The following FGGY variants were observed in gnomAD, a reference collection of about 807,000 sequenced individuals.
FGGY encodes FGGY carbohydrate kinase domain containing.
FGGY carries 72 observed loss-of-function variants against 71.3 expected under a neutral mutation model. That is an observed-to-expected ratio of 1.01 (90% CI 0.84 to 1.23). The LOEUF is 1.23. Ranked by LOEUF, FGGY falls within the 50% of genes most tolerant of loss-of-function variation. The pLI, the probability that FGGY is intolerant of heterozygous loss-of-function variation, is 0.00. For synonymous variants in FGGY, 251 were observed against 250.3 expected (o/e 1.00, Z -0.02); for missense variants, 668 against 682.3 (o/e 0.98, Z 0.23).
Position 59,410,756 on chromosome 1 carries a change from C to T in FGGY, c.554+31919C>T, listed in dbSNP as rs144135119. Among the ~76,000 whole-genome samples the T allele has an allele frequency of 3.2e-3, 493 of 152,124 alleles. 3 individuals are homozygous for T. The highest frequency in any genetic ancestry group is 0.01 in the African/African-American group (435 of 41,534). ...AATTGAATCTAGAAGACCATGGTGA[C>T]GTTCTTTTTGTTTTTATTGTATTTT... On this transcript the variant is annotated intron_variant, in intron 5 of 15. Coordinates refer to ENST00000303721, the MANE Select transcript of FGGY (RefSeq NM_018291.5).
rs563689701 is a variant in FGGY at position 59,426,585 on chromosome 1, C to T, written c.555-30376C>T. ...CCAGCCTGGTCTCACCTCAGGAGTT[C>T]CCCCATTGGAGAGGCCATCCCTGAA... On this transcript the variant is annotated intron_variant, in intron 5 of 15. Coordinates refer to ENST00000303721, the MANE Select transcript of FGGY (RefSeq NM_018291.5). Among the ~76,000 whole-genome samples, 7 of 152,292 alleles carry T rather than the reference C, an allele frequency of 4.6e-5. No homozygotes were observed. The South Asian group carries it at 6.2e-4, about 14-fold the overall frequency.
At chr1:59,753,027 A>C (rs183447616) in intron 14 of FGGY, among the ~76,000 whole-genome samples, 1 of 152,194 alleles carries the variant, frequency 6.6e-6, no homozygotes, top group Non-Finnish European at 1.5e-5. Flanking sequence ...TGTGGGCAAA[A>C]GGAAAAAGAA....
chr1:59,611,707 A>G (rs1233401019), intron 9 of FGGY, among the ~76,000 whole-genome samples: 2 of 152,216 alleles, frequency 1.3e-5, no homozygotes, highest in African/African-American at 4.8e-5. Context: ...CTCCGAGCTA[A>G]AGGAGGAAGT....
intron 4 of FGGY, among the ~76,000 whole-genome samples, chr1:59,367,755 T>C (rs562362771): frequency 2.0e-5 from 3 of 152,178 alleles, no homozygotes; most frequent in Non-Finnish European, 2.9e-5. Flanking sequence ...AAGCTACTTC[T>C]CTCTGTCCTG....
At chr1:59,447,006 A>G (rs1336460626) in intron 5 of FGGY, among the ~76,000 whole-genome samples, 2 of 152,172 alleles carry the variant, frequency 1.3e-5, no homozygotes, top group African/African-American at 4.8e-5. Context: ...GAGAATAAAA[A>G]GTTCTTGTTT....
Position 59,631,018 on chromosome 1 carries a change from TTA to T in FGGY, c.1073+4971_1073+4972del, listed in dbSNP as rs547146845. Among the ~76,000 whole-genome samples, 19 of 152,290 alleles carry T rather than the reference TTA, an allele frequency of 1.2e-4. No individual in the cohort carries two copies. In the East Asian group the frequency reaches 3.7e-3, roughly 29 times the overall value. Reference sequence around the variant, plus strand: ...CCCCCTGAAACGTTTCATATTAAGGTTATCAGTGACCTCTATTTTGCTAAGTC... The same window carrying T: ...CCCCCTGAAACGTTTCATATTAAGGTTCAGTGACCTCTATTTTGCTAAGTC... On this transcript the variant is annotated intron_variant, in intron 10 of 15. Transcript: ENST00000303721.
At chr1:59,512,593 G>A (rs561703245) in intron 7 of FGGY, among the ~76,000 whole-genome samples, 154 bp downstream of exon 7, 2 of 152,182 alleles carry the variant, frequency 1.3e-5, no homozygotes, top group East Asian at 1.9e-4. Context: ...CTAGGCATTT[G>A]GATAGAATTA....
intron 14 of FGGY, among the ~76,000 whole-genome samples, chr1:59,724,131 C>T (rs1289585465): frequency 6.6e-6 from 1 of 151,266 alleles, no homozygotes; most frequent in Non-Finnish European, 1.5e-5. Flanking sequence ...CCACTGAACT[C>T]CAGCCTGGAC....
Position 59,648,860 on chromosome 1 carries a change from T to C in FGGY, c.1221+10485T>C, listed in dbSNP as rs1021825081. Among the ~76,000 whole-genome samples the C allele has an allele frequency of 3.5e-3, 534 of 152,316 alleles. 4 individuals carry two copies. The highest frequency in any genetic ancestry group is 0.012 in the African/African-American group (510 of 41,550). On this transcript the variant is annotated intron_variant, in intron 11 of 15. Transcript: ENST00000303721. ...CCTGAATGGTCATGCCTAGGTTTTC[T>C]TCTAGGGTTTTTATGGTTTTAGGTC...
chr1:59,537,961 C>A (rs1438812779), intron 7 of FGGY, among the ~76,000 whole-genome samples: 3 of 152,078 alleles, frequency 2.0e-5, no homozygotes, highest in Non-Finnish European at 2.9e-5. Context: ...TCTAAAACAC[C>A]AAAAGCAATG....
intron 3 of FGGY, among the ~76,000 whole-genome samples, chr1:59,344,307 T>TG (rs903704998): frequency 7.0e-6 from 1 of 142,994 alleles, no homozygotes; most frequent in African/African-American, 2.9e-5. Context: ...TTTTTGTTGT[T>TG]TTTTTTTTTG....
intron 5 of FGGY, among the ~76,000 whole-genome samples, chr1:59,430,660 A>G (rs544422951): frequency 9.9e-5 from 15 of 152,166 alleles, no homozygotes; most frequent in Non-Finnish European, 2.1e-4. Flanking sequence ...TTGGTTCATA[A>G]TAAACATGGA....
At chr1:59,713,263 C>G (rs1457643292) in intron 14 of FGGY, among the ~76,000 whole-genome samples, 1 of 152,214 alleles carries the variant, frequency 6.6e-6, no homozygotes, top group Non-Finnish European at 1.5e-5. Context: ...AGCCATTCAA[C>G]AAGTCTCTAG....
intron 14 of FGGY, among the ~76,000 whole-genome samples, chr1:59,724,961 A>G (rs1004090813): frequency 1.3e-5 from 2 of 152,240 alleles, no homozygotes; most frequent in African/African-American, 4.8e-5. Context: ...GAGCAGTTTT[A>G]GAATTTTAGT....
intron 4 of FGGY, among the ~76,000 whole-genome samples, chr1:59,371,686 A>G (rs2057666976): frequency 6.6e-6 from 1 of 152,204 alleles, no homozygotes; most frequent in African/African-American, 2.4e-5. Context: ...AATGTAAAAG[A>G]ACAGAAATTA....
At chr1:59,613,011 A>C (rs981421293) in intron 9 of FGGY, among the ~76,000 whole-genome samples, 20 of 152,146 alleles carry the variant, frequency 1.3e-4, no homozygotes, top group East Asian at 9.6e-4. Context: ...TCCTTAGAGA[A>C]CTACAAAGAG....
rs71046339 is a variant in FGGY, at chr1:59,721,337, G to GTTTTTTTT, written c.1513-36582_1513-36575dup. 3.8e-4 allele frequency among the ~76,000 whole-genome samples: 40 copies of GTTTTTTTT among 105,366 alleles called. 3 individuals carry two copies. The highest frequency in any genetic ancestry group is 6.7e-4 in the African/African-American group (16 of 23,982). The allele number at this position is 105,366 out of a possible 152,430, so 69.1% of individuals were successfully genotyped here. A position where few individuals can be genotyped will look rare whatever the true frequency, so the allele number is the denominator to read the frequency against. On this transcript the variant is annotated intron_variant, in intron 14 of 15. Transcript: ENST00000303721. ...AGAGAGTTTTTCTTTTCTTTCCTTT[G>GTTTTTTTT]TTTTTTTTTTTTTTTTTTTGAGACG...
At chr1:59,364,695 A>G (rs1044184344) in intron 4 of FGGY, among the ~76,000 whole-genome samples, 1 of 152,214 alleles carries the variant, frequency 6.6e-6, no homozygotes, top group African/African-American at 2.4e-5. Flanking sequence ...AGGGATATTC[A>G]TAGAGTACTA....
Position 59,674,562 on chromosome 1 carries a change from A to G in FGGY, c.1512+429A>G, listed in dbSNP as rs545784151. Among the ~76,000 whole-genome samples the G allele has an allele frequency of 8.5e-5, 13 of 152,322 alleles. No homozygotes were observed. In the East Asian group the frequency reaches 2.5e-3, roughly 29 times the overall value. ...AAGAGACACAAATGAAACTGTCAGT[A>G]TGAAATAAAAAAGGAATTAAAAGGG... On this transcript the variant is annotated intron_variant, in intron 14 of 15. Transcript: ENST00000303721.
Sources: allele counts gnomAD v4.1 joint callset (sites outside exome capture counted in the v4.1 genomes callset), GRCh38; gene constraint gnomAD v4.1.1; transcripts MANE v1.5; gene names NCBI Gene and HGNC (gene_info 2026-07-23, HGNC 2026-07-21).